The following IQGAP1 variants were observed in gnomAD, a reference collection of about 807,000 sequenced individuals.
IQGAP1 encodes the protein ras GTPase-activating-like protein IQGAP1.
IQGAP1 carries 66 observed loss-of-function variants against 215.6 expected under a neutral mutation model. The ratio of observed to expected loss-of-function variants is 0.31; its 90% CI spans 0.25 to 0.38. IQGAP1 has a LOEUF of 0.38. Among genes scored for constraint, IQGAP1 ranks in the 10% least tolerant of loss-of-function variants. IQGAP1 has a pLI of 1.00. For synonymous variants in IQGAP1, 772 were observed against 728.7 expected (o/e 1.06, Z -0.96); for missense variants, 1,712 against 1,997.1 (o/e 0.86, Z 2.72).
chr15:90,409,484 C>T (rs993030681), intron 2 of IQGAP1, among the ~76,000 whole-genome samples: 8 of 152,096 alleles, frequency 5.3e-5, no homozygotes, highest in South Asian at 2.1e-4. Context: ...ATGATCCACC[C>T]GCCTTGGCCT....
intron 11 of IQGAP1, among the ~76,000 whole-genome samples, chr15:90,450,677 A>T (rs1400937989): frequency 6.6e-6 from 1 of 151,808 alleles, no homozygotes; most frequent in African/African-American, 2.4e-5. Flanking sequence ...TGTGGTTTTG[A>T]TGTGTATTTC....
intron 15 of IQGAP1, among the ~76,000 whole-genome samples, chr15:90,456,897 T>C (rs59104553): frequency 2.2e-5 from 3 of 134,274 alleles, no homozygotes; most frequent in Non-Finnish European, 3.1e-5. Context: ...CAAAAAAATA[T>C]ATATATATAT....
rs1253350164 is a variant in IQGAP1, at chr15:90,388,412, C to T, written c.55+16C>T. ...CACTATGGCTGTGAGTGCGGGGCTC[C>T]GCGGCGCGGGGGCTTCGGGCTGGGC... On this transcript the variant is annotated intron_variant, in intron 1 of 37. Transcript: ENST00000268182. The T allele has an allele frequency of 2.6e-6, 4 of 1,544,280 alleles. No individual in the cohort carries two copies. The highest frequency in any genetic ancestry group is 2.6e-6 in the Non-Finnish European group (3 of 1,146,766).
At chr15:90,433,283 A>C (rs2151016522) in intron 4 of IQGAP1, among the ~76,000 whole-genome samples, 1 of 152,270 alleles carries the variant, frequency 6.6e-6, no homozygotes, top group Non-Finnish European at 1.5e-5. Context: ...CACTTAGTAA[A>C]TGTTCATTGT....
At chr15:90,442,052 T>C (rs542898729) in intron 8 of IQGAP1, among the ~76,000 whole-genome samples, 2 of 152,202 alleles carry the variant, frequency 1.3e-5, no homozygotes, top group South Asian at 4.1e-4. Context: ...TTTATATAAA[T>C]AAAATTCTAG....
intron 33 of IQGAP1, among the ~76,000 whole-genome samples, chr15:90,489,130 T>C (rs1186831381): frequency 2.7e-4 from 41 of 151,158 alleles, no homozygotes; most frequent in African/African-American, 9.7e-4. Flanking sequence ...TGTTTCTTTT[T>C]TTTTTTTTTT....
intron 15 of IQGAP1, among the ~76,000 whole-genome samples, chr15:90,465,671 ATGTTTGTTTGTT>A (rs36085795): frequency 0.011 from 982 of 89,212 alleles, 6 homozygotes; most frequent in African/African-American, 0.033. Context: ...TGGCCAAGCT[ATGTTTGTTTGTT>A]TGTTTGTTTG....
In IQGAP1 at chr15:90,476,800, C is replaced by T. The variant is rs372660769; in HGVS notation, c.2922C>T (p.His974=). Residue 974 remains histidine (H), a synonymous_variant, in exon 24 of 38, where the codon CAC becomes CAT. Transcript: ENST00000268182. ...GAGAGAAGTTGGAAGCTTACCAGCA[C>T]CTGTTTTATTTATTGCAAGTAAGTG... The part of the protein sequence containing the change: ...EKREKLEAYQ[H]LFYLLQTNPT... 13 of 1,591,682 alleles carry T rather than the reference C, an allele frequency of 8.2e-6. No homozygotes were observed. Among genetic ancestry groups the T allele is most frequent in the East Asian group, 4.5e-5 (2 of 44,762 alleles).
intron 3 of IQGAP1, among the ~76,000 whole-genome samples, chr15:90,428,462 G>A (rs940847444): frequency 6.6e-5 from 10 of 151,992 alleles, no homozygotes; most frequent in Non-Finnish European, 1.0e-4. Flanking sequence ...TGTAAAAGGA[G>A]AGCGGAGACT....
At chr15:90,450,003 T>C (rs1965579303) in intron 11 of IQGAP1, among the ~76,000 whole-genome samples, 1 of 152,214 alleles carries the variant, frequency 6.6e-6, no homozygotes, top group Non-Finnish European at 1.5e-5. Context: ...TTTGTTGATG[T>C]TGGGAACATT....
intron 33 of IQGAP1, among the ~76,000 whole-genome samples, chr15:90,489,932 A>G (rs191275233): frequency 3.9e-5 from 6 of 152,354 alleles, no homozygotes; most frequent in Admixed American, 3.9e-4. Flanking sequence ...TGAGGAAACC[A>G]AGACCCTTAC....
intron 23 of IQGAP1, 94 bp from the exon 24 acceptor site, chr15:90,476,569 C>T (rs1487671933): frequency 4.5e-6 from 4 of 891,230 alleles, no homozygotes; most frequent in Non-Finnish European, 6.8e-6. Flanking sequence ...AGTACACCTT[C>T]ATGTGAGTTT....
At position 90,454,564 on chromosome 15, in the gene IQGAP1, TC is replaced by T. The variant is rs1451971770; in HGVS notation, c.1612+14del. 2.0e-6 allele frequency: 3 copies of T among 1,535,148 alleles called. No homozygotes were observed. Among genetic ancestry groups the T allele is most frequent in the South Asian group, 2.5e-5 (2 of 78,490 alleles). On this transcript the variant is annotated intron_variant, in intron 14 of 37. Coordinates refer to ENST00000268182, the MANE Select transcript of IQGAP1 (RefSeq NM_003870.4). ...AGAGGAACATGAGAGTGAGTTATCT[TC>T]CTGTCCTCCCCAAATAATGTCACCA... is the stretch of plus-strand genomic sequence containing the variant.
rs1466959429 is a variant in IQGAP1 at position 90,485,981 on chromosome 15, G to A, written c.3922-49G>A. ...ATTGTTAGACATTCTAGGGAGGGAC[G>A]GGCTGAAGAGTTGAATGTATAAATG... On this transcript the variant is annotated intron_variant, in intron 30 of 37. Coordinates refer to ENST00000268182, the MANE Select transcript of IQGAP1 (RefSeq NM_003870.4). The A allele has an allele frequency of 1.5e-5, 20 of 1,365,406 alleles. No homozygotes were observed. In the Admixed American group the frequency reaches 1.9e-4, roughly 13 times the overall value. 84.6% of individuals were successfully genotyped at this position (1,365,406 alleles called of 1,614,324 possible). A position where few individuals can be genotyped will look rare whatever the true frequency, so the allele number is the denominator to read the frequency against.
intron 2 of IQGAP1, among the ~76,000 whole-genome samples, chr15:90,404,650 G>A (rs550649191): frequency 7.9e-5 from 12 of 151,866 alleles, no homozygotes; most frequent in Middle Eastern, 3.4e-3. Context: ...CCAGCCTGGC[G>A]TGCAGTGGCC....
At position 90,497,284 on chromosome 15, in the gene IQGAP1, G is replaced by T. The variant is rs750679093; in HGVS notation, c.4804G>T (p.Glu1602Ter). The change falls in exon 37 of 38, where the codon GAA (glutamate) becomes TAA (stop). Residue 1602 changes from glutamate to a stop codon, truncating the protein, a stop_gained. Coordinates refer to ENST00000268182, the MANE Select transcript of IQGAP1 (RefSeq NM_003870.4). LOFTEE classifies it high-confidence loss of function. ...TCCAACAGAAGAAGTTGGAGACTTC[G>T]AAGTGAAAGCCAAATTCATGGGAGT... is the stretch of plus-strand genomic sequence containing the variant. The part of the protein sequence containing the change: ...ISPTEEVGDF[E>*]VKAKFMGVQM... The T allele has an allele frequency of 6.2e-7, 1 of 1,611,856 alleles. No homozygotes were observed. Among genetic ancestry groups the T allele is most frequent in the Non-Finnish European group, 8.5e-7 (1 of 1,177,992 alleles).
rs1567140263 is a variant in IQGAP1 at position 90,480,219 on chromosome 15, T to TAA, written c.3330-1741_3330-1740insAA. Among the ~76,000 whole-genome samples, 262 of 131,734 alleles carry TAA rather than the reference T, an allele frequency of 2.0e-3. 1 individual carries two copies. The highest frequency in any genetic ancestry group is 7.2e-3 in the African/African-American group (249 of 34,632). The allele number at this position is 131,734 out of a possible 152,430, so 86.4% of individuals were successfully genotyped here. A position where few individuals can be genotyped will look rare whatever the true frequency, so the allele number is the denominator to read the frequency against. The stretch of plus-strand genomic sequence containing the variant: ...GCCTGGGCAATGTAGACCCCATATC[T>TAA]TAAAAAAAAAAAAAAAAAAAAAGGA... On this transcript the variant is annotated intron_variant, in intron 26 of 37. Coordinates refer to ENST00000268182, the MANE Select transcript of IQGAP1 (RefSeq NM_003870.4).
At chr15:90,475,907 C>T (rs1965973363) in intron 23 of IQGAP1, among the ~76,000 whole-genome samples, 1 of 152,028 alleles carries the variant, frequency 6.6e-6, no homozygotes, top group African/African-American at 2.4e-5. Flanking sequence ...GGATAAGACT[C>T]TTTCCCTATG....
chr15:90,482,659 CT>C (rs60603100), intron 28 of IQGAP1: 12,201 of 666,990 alleles, frequency 0.018, no homozygotes, highest in South Asian at 0.022. Context: ...CTTCTCTTTT[CT>C]TTTTTTTTTT....
Sources: gnomAD v4.1 joint callset for allele counts (sites outside exome capture counted in the v4.1 genomes callset) on GRCh38, gnomAD v4.1.1 for gene constraint, MANE v1.5 for transcripts, NCBI Gene and HGNC (gene_info 2026-07-23, HGNC 2026-07-21) for gene names.